Variants in FAM171A2 observed in about 807,000 individuals in gnomAD.
FAM171A2 encodes the protein protein FAM171A2.
Under a neutral mutation model 34.2 loss-of-function variants are expected in FAM171A2, and 13 were observed. That is an observed-to-expected ratio of 0.38 (90% CI 0.25 to 0.60). The LOEUF (loss-of-function observed/expected upper bound fraction) is 0.60. Ranked by LOEUF, FAM171A2 falls within the 20% of genes least tolerant of loss-of-function variation. FAM171A2 has a pLI of 0.62. For synonymous variants in FAM171A2, 475 were observed against 561.2 expected, an observed-to-expected ratio of 0.85 and a Z score of 2.17; for missense variants, 950 against 1,180.7, an observed-to-expected ratio of 0.80 and a Z score of 2.86.
At chr17:44,359,415 A>G (rs1384499917) in intron 3 of FAM171A2, 164 bp downstream of exon 3, 2 of 619,250 alleles carry the variant, frequency 3.2e-6, no homozygotes, top group East Asian at 2.8e-5. Flanking sequence ...CTCCAATTTG[A>G]TGATGTAGGC....
At position 44,355,861 on chromosome 17, in the gene FAM171A2, A is replaced by G. The variant is rs2048420504; in HGVS notation, c.896-20T>C. 6.4e-7 allele frequency: 1 copy of G among 1,551,428 alleles called. No homozygotes were observed. The stretch of plus-strand genomic sequence containing the variant: ...CCAGCCCTGTGCCAGGCGAGGGCTT[A>G]GCGTTCAGGTGTAGACACCCTTCCT... On this transcript the variant is annotated intron_variant, in intron 6 of 7. Transcript: ENST00000293443. The surrounding 1 kb of genome is among the most constrained non-coding windows in gnomAD (Gnocchi z 4.1).
At chr17:44,362,173 C>T (rs1396598550) in intron 1 of FAM171A2, among the ~76,000 whole-genome samples, 4 of 152,080 alleles carry the variant, frequency 2.6e-5, no homozygotes, top group African/African-American at 9.7e-5. Context: ...CCGCCAGCTG[C>T]CCCAGAGAAC....
At position 44,353,268 on chromosome 17, in the gene FAM171A2, C is replaced by T. The variant is rs539618447; in HGVS notation, c.*465G>A. 1.6e-5 allele frequency: 4 copies of T among 244,568 alleles called. No individual in the cohort carries two copies. In the South Asian group the frequency reaches 2.0e-4, roughly 13 times the overall value. The allele number at this position is 244,568 out of a possible 1,614,324, so 15.1% of individuals were successfully genotyped here. A position where few individuals can be genotyped will look rare whatever the true frequency, so the allele number is the denominator to read the frequency against. ...TGCCCACATCGGCTGTATCACATTA[C>T]CCCCTAGTCCCCAGAGCTGTCCCAG... On this transcript the variant is annotated 3_prime_UTR_variant, in exon 8 of 8. Coordinates refer to ENST00000293443, the MANE Select transcript of FAM171A2 (RefSeq NM_198475.3).
chr17:44,355,819 GC>G lies in FAM171A2; in HGVS notation c.917del (p.Gly306AlafsTer40), dbSNP rs1454475715. The G allele has an allele frequency of 6.4e-7, 1 of 1,551,722 alleles. No homozygotes were observed. The highest frequency in any genetic ancestry group is 1.2e-5 in the South Asian group (1 of 84,064). On this transcript the variant is annotated frameshift_variant, in exon 7 of 8. Transcript: ENST00000293443. LOFTEE classifies it high-confidence loss of function. The surrounding 1 kb of genome is among the most constrained non-coding windows in gnomAD (Gnocchi z 4.1). ...TGTGGTAGGTGCCGATGTCCTGGAT[GC>G]CCGACGTGATGGTGACCAGCCCTGT... ...PTAGLVTITS[G>X]IQDIGTYHTI...
At chr17:44,358,288 G>A (rs1321499778) in intron 3 of FAM171A2, among the ~76,000 whole-genome samples, 2 of 152,214 alleles carry the variant, frequency 1.3e-5, no homozygotes, top group African/African-American at 2.4e-5. Flanking sequence ...AGCAGTAGGC[G>A]CCATGCAGGG....
At chr17:44,362,337 G>T (rs757492480) in intron 1 of FAM171A2, among the ~76,000 whole-genome samples, 13 of 152,106 alleles carry the variant, frequency 8.5e-5, no homozygotes, top group Non-Finnish European at 1.6e-4. Context: ...CTGAGGCAGA[G>T]GGTGAACCCT....
intron 1 of FAM171A2, among the ~76,000 whole-genome samples, chr17:44,362,757 T>C (rs1598371082): frequency 1.3e-5 from 2 of 151,482 alleles, no homozygotes; most frequent in South Asian, 2.1e-4. Context: ...ACTGCGAAGA[T>C]GTGAGATGAG....
intron 1 of FAM171A2, among the ~76,000 whole-genome samples, chr17:44,362,079 C>A (rs1272710446): frequency 6.6e-6 from 1 of 150,584 alleles, no homozygotes; most frequent in Non-Finnish European, 1.5e-5. Flanking sequence ...TGGTAAGGAT[C>A]TGTGCCAACC....
Position 44,354,253 on chromosome 17 carries a change from C to A in FAM171A2, c.1961G>T (p.Trp654Leu). Residue 654 changes from tryptophan (W) to leucine (L), a missense_variant, in exon 8 of 8, where the codon TGG becomes TTG. By Grantham distance (61) the Trp-to-Leu change is moderately conservative (BLOSUM62 -2). This residue lies in a region of FAM171A2 where 752 missense variants were observed against 924.5 expected (regional missense o/e 0.81). Transcript: ENST00000293443. This position sits in a 1 kb window ranked among gnomAD's most constrained non-coding sequence, Gnocchi z 5.8. Reference protein sequence around the residue: ...ELGVKPHPRAWFVSLDGRSNS... With the variant: ...ELGVKPHPRALFVSLDGRSNS... Reference sequence around the variant, plus strand: ...GGAGCGCCCGTCGAGGGACACGAACCAGGCGCGCGGGTGCGGCTTCACGCC... The same window carrying A: ...GGAGCGCCCGTCGAGGGACACGAACAAGGCGCGCGGGTGCGGCTTCACGCC... 1.4e-6 allele frequency: 2 copies of A among 1,455,080 alleles called. No individual in the cohort carries two copies. Among genetic ancestry groups the A allele is most frequent in the South Asian group, 1.3e-5 (1 of 76,656 alleles). 90.1% of individuals were successfully genotyped at this position (1,455,080 alleles called of 1,614,324 possible).
chr17:44,357,347 CAAAA>C (rs1389498451), intron 3 of FAM171A2, among the ~76,000 whole-genome samples: 1 of 91,118 alleles, frequency 1.1e-5, no homozygotes, highest in Non-Finnish European at 2.2e-5. Flanking sequence ...AACTCCATCT[CAAAA>C]GAAAAAAAAA....
chr17:44,363,718 G>A lies in FAM171A2; in HGVS notation c.-4C>T. On this transcript the variant is annotated 5_prime_UTR_variant, in exon 1 of 8. Coordinates refer to ENST00000293443, the MANE Select transcript of FAM171A2 (RefSeq NM_198475.3). ...TGGGGCCACTCGCCGGCGGCATCGC[G>A]GGGCTAGGCCGGGCCCTAGCGGTCC... 2 of 1,205,302 alleles carry A rather than the reference G, an allele frequency of 1.7e-6. No individual in the cohort carries two copies. Among genetic ancestry groups the A allele is most frequent in the Non-Finnish European group, 2.1e-6 (2 of 969,566 alleles). 74.7% of individuals were successfully genotyped at this position (1,205,302 alleles called of 1,614,324 possible).
chr17:44,358,260 C>A (rs537179278), intron 3 of FAM171A2, among the ~76,000 whole-genome samples: 306 of 152,302 alleles, frequency 2.0e-3, no homozygotes, highest in African/African-American at 7.2e-3. Flanking sequence ...TGAGATGGCA[C>A]CTGGGCTTGG....
Position 44,359,893 on chromosome 17 carries a change from C to T in FAM171A2, c.346+12G>A. On this transcript the variant is annotated intron_variant, in intron 2 of 7. Coordinates refer to ENST00000293443, the MANE Select transcript of FAM171A2 (RefSeq NM_198475.3). ...GCTGCTGTCCCCCCCCTCCACCTGC[C>T]CCTGCACTCACAGGGCAGCTTGTCA... 2 of 1,523,304 alleles carry T rather than the reference C, an allele frequency of 1.3e-6. No homozygotes were observed. The highest frequency in any genetic ancestry group is 1.8e-6 in the Non-Finnish European group (2 of 1,130,870). The allele number at this position is 1,523,304 out of a possible 1,614,324, so 94.4% of individuals were successfully genotyped here. A position where few individuals can be genotyped will look rare whatever the true frequency, so the allele number is the denominator to read the frequency against.
Position 44,356,482 on chromosome 17 carries a change from C to T in FAM171A2, c.546G>A (p.Gln182=). 6.4e-7 allele frequency: 1 copy of T among 1,550,926 alleles called. No individual in the cohort carries two copies. The highest frequency in any genetic ancestry group is 8.7e-7 in the Non-Finnish European group (1 of 1,146,974). The change falls in exon 4 of 8, where the codon CAG becomes CAA. Residue 182 remains glutamine, a synonymous_variant. Transcript: ENST00000293443. Reference sequence around the variant, plus strand: ...AGGCAGGGAAAGCCCGCATTTCCTGCTGGGTGCTGGCAGGCGTAAGTGACG... The same window carrying T: ...AGGCAGGGAAAGCCCGCATTTCCTGTTGGGTGCTGGCAGGCGTAAGTGACG... ...LWASLTPAST[Q]QEMRAFPAFL...
intron 3 of FAM171A2, among the ~76,000 whole-genome samples, chr17:44,357,998 G>T (rs896484344): frequency 6.6e-6 from 1 of 152,196 alleles, no homozygotes; most frequent in Non-Finnish European, 1.5e-5. Context: ...CCGGATAGAA[G>T]CCCAGGCCAT....
chr17:44,360,187 G>C, intron 1 of FAM171A2, 55 bp from the exon 2 acceptor site: 2 of 1,407,576 alleles, frequency 1.4e-6, no homozygotes, highest in East Asian at 2.5e-5. Flanking sequence ...AAAGAGAACT[G>C]GGGGGAGCCC....
rs376990234 is a variant in FAM171A2, at chr17:44,356,245, G to A, written c.706C>T (p.Pro236Ser). The stretch of plus-strand genomic sequence containing the variant: ...AGGGCACGAGTCTCGGAGGGCACGG[G>A]CAGGGACAGGTGAATGGGGCCTGAG... The part of the protein sequence containing the change: ...PLSGPIHLSL[P>S]VPSETRALTV... The change falls in exon 5 of 8, where the codon CCC becomes TCC. Residue 236 changes from proline to serine, a missense_variant. Pro to Ser is a moderately conservative substitution (Grantham distance 74). Transcript: ENST00000293443. 21 of 1,551,480 alleles carry A rather than the reference G, an allele frequency of 1.4e-5. No individual in the cohort carries two copies. The Admixed American group carries it at 3.9e-4, about 29-fold the overall frequency.
chr17:44,354,538 C>A lies in FAM171A2; in HGVS notation c.1676G>T (p.Gly559Val). 1 of 1,182,008 alleles carries A rather than the reference C, an allele frequency of 8.5e-7. No individual in the cohort carries two copies. Among genetic ancestry groups the A allele is most frequent in the Non-Finnish European group, 1.0e-6 (1 of 955,822 alleles). The allele number at this position is 1,182,008 out of a possible 1,614,324, so 73.2% of individuals were successfully genotyped here. ...GCCCTCCGGCGGGGCCGGCTCGTCG[C>A]CCACGCCGGCGGCGCCCGCCTCGCC... ...LGGEAGAAGV[G>V]DEPAPPEGTA... is the part of the protein sequence containing the mutation. The change falls in exon 8 of 8, where the codon GGC (glycine) becomes GTC (valine). Residue 559 changes from glycine (G) to valine (V), a missense_variant. By Grantham distance (109) the Gly-to-Val change is moderately radical. Coordinates refer to ENST00000293443, the MANE Select transcript of FAM171A2 (RefSeq NM_198475.3). The surrounding 1 kb of genome is among the most constrained non-coding windows in gnomAD (Gnocchi z 5.8).
At chr17:44,359,735 C>T in intron 2 of FAM171A2, 64 bp from the exon 3 acceptor site, 13 of 1,411,956 alleles carry the variant, frequency 9.2e-6, no homozygotes, top group East Asian at 2.6e-5. Context: ...CCAGGCACCC[C>T]CTCCATCTGA....
Sources: gnomAD v4.1 joint callset for allele counts (sites outside exome capture counted in the v4.1 genomes callset) on GRCh38, gnomAD v4.1.1 for gene constraint, gnomAD v4.1.1 regional missense constraint, Gnocchi (gnomAD v3.1) non-coding constraint, MANE v1.5 for transcripts, NCBI Gene and HGNC (gene_info 2026-07-23, HGNC 2026-07-21) for gene names.